The following CLEC16A variants were observed in gnomAD, a reference collection of about 807,000 sequenced individuals.
The protein encoded by CLEC16A is C-type lectin domain containing 16A.
In CLEC16A, 51 loss-of-function variants were observed where a neutral mutation model predicts 109.5. That is an observed-to-expected ratio of 0.47 (90% CI 0.37 to 0.59). The LOEUF (loss-of-function observed/expected upper bound fraction) is 0.59, where lower values mean the gene tolerates loss of function less well. Ranked by LOEUF, CLEC16A falls within the 20% of genes least tolerant of loss-of-function variation. The pLI is 0.00. For synonymous variants in CLEC16A, 673 were observed against 564.2 expected, an observed-to-expected ratio of 1.19 and a Z score of -2.73; for missense variants, 1,339 against 1,394.0, an observed-to-expected ratio of 0.96 and a Z score of 0.63.
intron 7 of CLEC16A, among the ~76,000 whole-genome samples, chr16:10,974,718 T>C (rs961826630): frequency 6.6e-6 from 1 of 152,136 alleles, no homozygotes; most frequent in Non-Finnish European, 1.5e-5. Flanking sequence ...ATTGGAGCAA[T>C]TGGGAAAGCT....
chr16:10,964,124 G>A (rs1466131644), intron 3 of CLEC16A, among the ~76,000 whole-genome samples: 2 of 152,254 alleles, frequency 1.3e-5, no homozygotes, highest in South Asian at 4.1e-4. Context: ...GAAAGAGGTA[G>A]AGATGGTGGC....
intron 19 of CLEC16A, among the ~76,000 whole-genome samples, chr16:11,118,582 C>T (rs773271557): frequency 6.6e-6 from 1 of 152,210 alleles, no homozygotes; most frequent in South Asian, 2.1e-4. Context: ...ACCATCACAA[C>T]TGTAAACTGC....
rs74600018 is a variant in CLEC16A, at chr16:11,130,866, A to G, written c.2641+4720A>G. Among the ~76,000 whole-genome samples the G allele has an allele frequency of 3.4e-3, 517 of 152,318 alleles. 2 individuals are homozygous for G. Among genetic ancestry groups the G allele is most frequent in the Non-Finnish European group, 5.0e-3 (340 of 68,018 alleles). On this transcript the variant is annotated intron_variant, in intron 22 of 23. Transcript: ENST00000409790. ...TCCGATTTTATCTGCGGGCCCAGGT[A>G]ATTGTCATAGAGCAGTTTGTCTCCC...
At chr16:11,004,930 T>C (rs1334144018) in intron 11 of CLEC16A, among the ~76,000 whole-genome samples, 2 of 152,212 alleles carry the variant, frequency 1.3e-5, no homozygotes, top group Non-Finnish European at 2.9e-5. Flanking sequence ...TAAGCCATGC[T>C]AATTTGCTTA....
intron 10 of CLEC16A, among the ~76,000 whole-genome samples, chr16:10,986,731 ATGTGTGTGTG>A (rs59931468): frequency 0.016 from 2,358 of 150,232 alleles, 61 homozygotes; most frequent in African/African-American, 0.055. Context: ...TTAAGGCTCA[ATGTGTGTGTG>A]TGTGTGTGTG....
At chr16:11,055,575 CTTTTTTTTTTTTTTTTTT>C (rs71136609) in intron 18 of CLEC16A, among the ~76,000 whole-genome samples, 6 of 41,764 alleles carry the variant, frequency 1.4e-4, no homozygotes, top group Admixed American at 3.2e-4. Flanking sequence ...TTCCCTCTTG[CTTTTTTTTTTTTTTTTTT>C]TTTTTTTTTT....
At chr16:10,949,595 A>G (rs1229507072) in intron 1 of CLEC16A, among the ~76,000 whole-genome samples, 2 of 23,614 alleles carry the variant, frequency 8.5e-5, no homozygotes, top group South Asian at 2.7e-3. Context: ...GCTCAGAGCC[A>G]TGCTTGGCAG....
At chr16:11,142,306 C>G (rs1380013977) in intron 22 of CLEC16A, among the ~76,000 whole-genome samples, 1 of 152,208 alleles carries the variant, frequency 6.6e-6, no homozygotes, top group Non-Finnish European at 1.5e-5. Flanking sequence ...CCTGGGGGAG[C>G]TGTAGTTGGA....
intron 22 of CLEC16A, among the ~76,000 whole-genome samples, chr16:11,130,790 C>A (rs750374355): frequency 2.4e-4 from 37 of 152,350 alleles, no homozygotes; most frequent in Non-Finnish European, 4.1e-4. Context: ...ACAACTCTGG[C>A]TGCTGCCTCG....
At chr16:11,143,332 C>G (rs533785235) in intron 22 of CLEC16A, among the ~76,000 whole-genome samples, 145 of 152,254 alleles carry the variant, frequency 9.5e-4, no homozygotes, top group African/African-American at 3.4e-3. Flanking sequence ...CCTCGTTTGA[C>G]CTCAGTAGGG....
chr16:10,982,054 CA>C (rs1487693837), intron 9 of CLEC16A, among the ~76,000 whole-genome samples: 1 of 152,238 alleles, frequency 6.6e-6, no homozygotes, highest in East Asian at 1.9e-4. Flanking sequence ...TAAGCAAATA[CA>C]AACATGCACA....
chr16:11,109,601 G>A (rs1289564931), intron 19 of CLEC16A, among the ~76,000 whole-genome samples: 3 of 152,176 alleles, frequency 2.0e-5, no homozygotes, highest in African/African-American at 7.2e-5. Context: ...ACTAATCCCT[G>A]GTACCAGCGC....
At chr16:11,075,459 CATG>C (rs1466975292) in intron 19 of CLEC16A, among the ~76,000 whole-genome samples, 3 of 147,572 alleles carry the variant, frequency 2.0e-5, no homozygotes, top group Non-Finnish European at 4.5e-5. Flanking sequence ...TGTTTTGAGA[CATG>C]GTGTCACTTT....
chr16:11,001,039 A>T (rs1255588278), intron 10 of CLEC16A, among the ~76,000 whole-genome samples: 3 of 152,198 alleles, frequency 2.0e-5, no homozygotes, highest in Non-Finnish European at 2.9e-5. Context: ...GCCCTAAACA[A>T]ATCAATTTTC....
At chr16:11,067,189 G>GTTTTTTT (rs71406205) in intron 19 of CLEC16A, among the ~76,000 whole-genome samples, 5 of 98,970 alleles carry the variant, frequency 5.1e-5, no homozygotes, top group East Asian at 3.1e-4. Flanking sequence ...GTTTGTTTTT[G>GTTTTTTT]TTTTTTTTTT....
intron 7 of CLEC16A, 104 bp downstream of exon 7, chr16:10,973,165 T>A: frequency 7.7e-7 from 1 of 1,293,340 alleles, no homozygotes; most frequent in South Asian, 1.5e-5. Context: ...CTTCCCTACC[T>A]CTGTGTAGGC....
intron 2 of CLEC16A, among the ~76,000 whole-genome samples, chr16:10,960,120 T>C (rs1420332680): frequency 2.0e-5 from 3 of 152,254 alleles, no homozygotes; most frequent in African/African-American, 7.2e-5. Flanking sequence ...ATGTTCCCAT[T>C]GTAAGTGTCT....
intron 19 of CLEC16A, among the ~76,000 whole-genome samples, chr16:11,082,031 A>G (rs1005497460): frequency 1.3e-5 from 2 of 151,926 alleles, no homozygotes; most frequent in South Asian, 2.1e-4. Flanking sequence ...GAATCCGTCT[A>G]AAAAAAAGAA....
Position 10,957,872 on chromosome 16 carries a change from C to T in CLEC16A, c.171C>T (p.Ile57=). 4.3e-6 allele frequency: 7 copies of T among 1,613,778 alleles called. No homozygotes were observed. The highest frequency in any genetic ancestry group is 5.9e-6 in the Non-Finnish European group (7 of 1,179,702). ...LVETIRSITE[I]LIWGDQNDSS... ...AGACCATCCGTTCCATCACTGAGAT[C>T]CTGATCTGGGGAGATCAAAATGACA... Residue 57 remains isoleucine (I), a synonymous_variant, in exon 2 of 24, where the codon ATC becomes ATT. Coordinates refer to ENST00000409790, the MANE Select transcript of CLEC16A (RefSeq NM_015226.3).
Sources: allele counts gnomAD v4.1 joint callset (sites outside exome capture counted in the v4.1 genomes callset), GRCh38; gene constraint gnomAD v4.1.1; transcripts MANE v1.5; gene names NCBI Gene and HGNC (gene_info 2026-07-23, HGNC 2026-07-21).